SHANK2: variants seen among roughly 807,000 people sequenced by gnomAD.
The protein encoded by SHANK2 is SH3 and multiple ankyrin repeat domains 2.
A neutral mutation model predicts 133.7 loss-of-function variants in SHANK2; 43 were observed. The observed-to-expected ratio is 0.32, with a 90% CI of 0.25 to 0.41. The LOEUF is 0.41. SHANK2 is among the 10% of genes least tolerant of loss of function. The pLI is 1.00. For missense variants in SHANK2, 1,994 were observed against 2,235.8 expected, an observed-to-expected ratio of 0.89 and a Z score of 2.18; for synonymous variants, 1,017 against 952.8, an observed-to-expected ratio of 1.07 and a Z score of -1.24.
chr11:70,736,957 G>A (rs1555033701), intron 14 of SHANK2, among the ~76,000 whole-genome samples: 2 of 152,216 alleles, frequency 1.3e-5, no homozygotes, highest in Non-Finnish European at 2.9e-5. Context: ...GTTCTGAAAC[G>A]TGGCCTCTAG....
At chr11:70,676,903 A>G (rs11237165) in intron 15 of SHANK2, among the ~76,000 whole-genome samples, 62,455 of 152,036 alleles carry the variant, frequency 0.41, 15,706 homozygotes, top group Non-Finnish European at 0.57. Flanking sequence ...ATCTCAAATG[A>G]ACTTTGGTTC....
chr11:70,707,564 C>T (rs950741336), intron 14 of SHANK2, among the ~76,000 whole-genome samples: 1 of 152,014 alleles, frequency 6.6e-6, no homozygotes, highest in Non-Finnish European at 1.5e-5. Context: ...ACAAGACAAG[C>T]TCGAGCTTAA....
chr11:70,890,740 A>ACG (rs1949828129), intron 11 of SHANK2, among the ~76,000 whole-genome samples: 1 of 149,158 alleles, frequency 6.7e-6, no homozygotes, highest in African/African-American at 2.5e-5. Flanking sequence ...CAGAGGCTGC[A>ACG]GTGAGCCAAG....
chr11:70,904,174 G>A (rs891348129), intron 10 of SHANK2, among the ~76,000 whole-genome samples: 5 of 152,198 alleles, frequency 3.3e-5, no homozygotes, highest in South Asian at 2.1e-4. Flanking sequence ...AGTAAGTGGT[G>A]AGAAGGATCA....
chr11:70,740,521 A>C (rs1946501826), intron 14 of SHANK2, among the ~76,000 whole-genome samples: 1 of 152,124 alleles, frequency 6.6e-6, no homozygotes. Context: ...AACAGGGAGT[A>C]GCTGAAGCGC....
At chr11:71,142,506 A>C (rs186431679) in intron 3 of SHANK2, among the ~76,000 whole-genome samples, 1 of 152,198 alleles carries the variant, frequency 6.6e-6, no homozygotes, top group African/African-American at 2.4e-5. Context: ...CTTTCAATAA[A>C]AACAAACAAA....
At chr11:70,688,338 C>T (rs920639659) in intron 15 of SHANK2, among the ~76,000 whole-genome samples, 1 of 152,194 alleles carries the variant, frequency 6.6e-6, no homozygotes, top group African/African-American at 2.4e-5. Context: ...GTCCAAAGTC[C>T]CCAAGTCAGG....
chr11:70,542,296 C>T (rs1359005643), intron 17 of SHANK2, among the ~76,000 whole-genome samples: 2 of 152,100 alleles, frequency 1.3e-5, no homozygotes, highest in Admixed American at 1.3e-4. Context: ...GACGGGTGCC[C>T]TTATGAGGGA....
chr11:70,819,819 CCTGCAGCTG>C (rs1478873589), intron 12 of SHANK2, among the ~76,000 whole-genome samples: 2 of 152,178 alleles, frequency 1.3e-5, no homozygotes, highest in African/African-American at 4.8e-5. Flanking sequence ...TGAGACCATC[CCTGCAGCTG>C]CTGAGACAGC....
At chr11:70,546,096 A>ATT (rs1383933484) in intron 17 of SHANK2, among the ~76,000 whole-genome samples, 2 of 92,516 alleles carry the variant, frequency 2.2e-5, no homozygotes, top group Non-Finnish European at 4.3e-5. Context: ...TTATTTATTT[A>ATT]ATTTTTTTTT....
chr11:70,650,854 C>A (rs574211521), intron 17 of SHANK2, among the ~76,000 whole-genome samples: 40 of 152,370 alleles, frequency 2.6e-4, no homozygotes, highest in African/African-American at 9.1e-4. Context: ...CCTCAAGGAA[C>A]TGTGTCTGAT....
At position 70,485,910 on chromosome 11, in the gene SHANK2, G is replaced by A. The variant is rs1555153150; in HGVS notation, c.4383C>T (p.Asp1461=). The A allele has an allele frequency of 1.9e-6, 3 of 1,614,114 alleles. No individual in the cohort carries two copies. The highest frequency in any genetic ancestry group is 2.5e-6 in the Non-Finnish European group (3 of 1,180,030). ...LNSSQPTNSA[D]SKKPASLSNC... The stretch of plus-strand genomic sequence containing the variant: ...TTGAAAGACTGGCTGGCTTCTTGCT[G>A]TCTGCAGAGTTGGTTGGTTGGCTGG... The change falls in exon 25 of 26, where the codon GAC becomes GAT. Residue 1461 remains aspartate (D), a synonymous_variant. Transcript: ENST00000601538. This position sits in a 1 kb window ranked among gnomAD's most constrained non-coding sequence, Gnocchi z 5.8.
intron 9 of SHANK2, among the ~76,000 whole-genome samples, chr11:71,072,019 G>A (rs1317227694): frequency 6.6e-6 from 1 of 152,060 alleles, no homozygotes; most frequent in African/African-American, 2.4e-5. Context: ...TCCACATCTC[G>A]ACACCCTCCA....
At chr11:70,861,535 T>A (rs1949257769) in intron 11 of SHANK2, among the ~76,000 whole-genome samples, 1 of 152,198 alleles carries the variant, frequency 6.6e-6, no homozygotes, top group South Asian at 2.1e-4. Flanking sequence ...AAAAGTCTTA[T>A]TTGGTATAAA....
intron 11 of SHANK2, among the ~76,000 whole-genome samples, chr11:70,843,267 C>A (rs1948939926): frequency 1.4e-5 from 1 of 71,092 alleles, no homozygotes; most frequent in Admixed American, 2.1e-4. Context: ...GTGGGCTGGG[C>A]TGCTATGGGG....
At chr11:70,660,770 A>C (rs1385348919) in intron 16 of SHANK2, among the ~76,000 whole-genome samples, 1 of 152,136 alleles carries the variant, frequency 6.6e-6, no homozygotes, top group Non-Finnish European at 1.5e-5. Context: ...ACAGCTCGCT[A>C]TGGAGCTGCC....
intron 9 of SHANK2, among the ~76,000 whole-genome samples, chr11:71,066,098 GT>G (rs1951055514): frequency 1.0e-4 from 3 of 29,472 alleles, no homozygotes; most frequent in Non-Finnish European, 1.3e-4. Context: ...GGTGGGGGGG[GT>G]GTGTGCAGAA....
intron 2 of SHANK2, among the ~76,000 whole-genome samples, chr11:71,209,928 A>G (rs1315080160): frequency 6.6e-6 from 1 of 151,924 alleles, no homozygotes; most frequent in Non-Finnish European, 1.5e-5. Flanking sequence ...CCTGGCGCCC[A>G]GTGGGGTATC....
At chr11:70,747,827 CATGCTGCACGGTGCATGT>C (rs1946672682) in intron 14 of SHANK2, among the ~76,000 whole-genome samples, 1 of 152,316 alleles carries the variant, frequency 6.6e-6, no homozygotes, top group East Asian at 1.9e-4. Context: ...CGTGTGCATG[CATGCTGCACGGTGCATGT>C]ATGTGCAGTG....
Sources: gnomAD v4.1 joint callset for allele counts (sites outside exome capture counted in the v4.1 genomes callset) on GRCh38, gnomAD v4.1.1 for gene constraint, Gnocchi (gnomAD v3.1) non-coding constraint, MANE v1.5 for transcripts, NCBI Gene and HGNC (gene_info 2026-07-23, HGNC 2026-07-21) for gene names.